KCNC2: variants seen among roughly 807,000 people sequenced by gnomAD.
The protein encoded by KCNC2 is potassium voltage-gated channel subfamily C member 2, also known as voltage-gated potassium channel KCNC2.
Under a neutral mutation model 44.5 loss-of-function variants are expected in KCNC2, and 21 were observed. The ratio of observed to expected loss-of-function variants is 0.47; its 90% CI spans 0.33 to 0.68. The LOEUF (loss-of-function observed/expected upper bound fraction) is 0.68, where lower values mean the gene tolerates loss of function less well. Among genes scored for constraint, KCNC2 ranks in the 30% least tolerant of loss-of-function variants. KCNC2 has a pLI of 0.01. For missense variants in KCNC2, 589 were observed against 826.2 expected (o/e 0.71, Z 3.52); for synonymous variants, 391 against 339.1 (o/e 1.15, Z -1.68).
chr12:75,076,038 TACACACACACACACAC>T (rs71078709), intron 2 of KCNC2, among the ~76,000 whole-genome samples: 21 of 141,344 alleles, frequency 1.5e-4, no homozygotes, highest in Admixed American at 1.2e-3. Flanking sequence ...TAATGTTACA[TACACACACACACACAC>T]ACACACACAC....
intron 2 of KCNC2, among the ~76,000 whole-genome samples, chr12:75,126,584 G>C (rs981206583): frequency 2.0e-5 from 3 of 152,096 alleles, no homozygotes; most frequent in African/African-American, 7.2e-5. Flanking sequence ...GAATGTTCCA[G>C]GCACTTAGGA....
chr12:75,194,051 G>A (rs1171882535), intron 2 of KCNC2, among the ~76,000 whole-genome samples: 1 of 152,042 alleles, frequency 6.6e-6, no homozygotes, highest in Non-Finnish European at 1.5e-5. Context: ...AAAAAAAAGA[G>A]TAACCAGAAA....
chr12:75,186,577 T>A (rs1288725194), intron 2 of KCNC2, among the ~76,000 whole-genome samples: 1 of 152,224 alleles, frequency 6.6e-6, no homozygotes, highest in Admixed American at 6.5e-5. Context: ...AGGGACACTT[T>A]TATGCAACAA....
intron 2 of KCNC2, among the ~76,000 whole-genome samples, chr12:75,063,797 CT>C (rs1178698158): frequency 1.3e-5 from 2 of 151,970 alleles, no homozygotes; most frequent in Non-Finnish European, 2.9e-5. Context: ...AGGACAAATC[CT>C]TTTATAATTT....
intron 2 of KCNC2, among the ~76,000 whole-genome samples, chr12:75,059,390 G>A (rs1882080242): frequency 6.6e-6 from 1 of 151,972 alleles, no homozygotes. Context: ...TGTCTCACTT[G>A]TTTACAGTGG....
intron 2 of KCNC2, among the ~76,000 whole-genome samples, chr12:75,099,183 A>G (rs1886174714): frequency 6.6e-6 from 1 of 152,238 alleles, no homozygotes; most frequent in Non-Finnish European, 1.5e-5. Context: ...AATTATGAGT[A>G]GCGTCTAAAG....
At chr12:75,147,720 G>A (rs1890122673) in intron 2 of KCNC2, among the ~76,000 whole-genome samples, 1 of 152,060 alleles carries the variant, frequency 6.6e-6, no homozygotes, top group African/African-American at 2.4e-5. Flanking sequence ...TAGTATTTAT[G>A]GAAAAAGACA....
At chr12:75,140,850 TCCAGAACACCATTTAGTATCATG>T (rs1889599795) in intron 2 of KCNC2, among the ~76,000 whole-genome samples, 1 of 151,226 alleles carries the variant, frequency 6.6e-6, no homozygotes, top group South Asian at 2.1e-4. Context: ...TTCTATTTCC[TCCAGAACACCATTTAGTATCATG>T]CCAAGAAAAA....
Position 75,184,226 on chromosome 12 carries a change from C to T in KCNC2, c.687+23071G>A, listed in dbSNP as rs1195030984. 3.3e-5 allele frequency among the ~76,000 whole-genome samples: 5 copies of T among 150,426 alleles called. No homozygotes were observed. The East Asian group carries it at 1.0e-3, about 30-fold the overall frequency. Reference sequence around the variant, plus strand: ...TGTAGTCTCTGTGTGGCGTCATTAACTAACACAGAGTCTTCCGTTTTGTAG... The same window carrying T: ...TGTAGTCTCTGTGTGGCGTCATTAATTAACACAGAGTCTTCCGTTTTGTAG... On this transcript the variant is annotated intron_variant, in intron 2 of 4. Coordinates refer to ENST00000549446, the MANE Select transcript of KCNC2 (RefSeq NM_139137.4).
intron 2 of KCNC2, among the ~76,000 whole-genome samples, chr12:75,079,132 C>A (rs1310538616): frequency 6.6e-6 from 1 of 152,040 alleles, no homozygotes; most frequent in African/African-American, 2.4e-5. Flanking sequence ...ATGGGGTATG[C>A]ATCTTAGAAG....
At chr12:75,136,997 C>T (rs1353399083) in intron 2 of KCNC2, among the ~76,000 whole-genome samples, 1 of 152,116 alleles carries the variant, frequency 6.6e-6, no homozygotes, top group Non-Finnish European at 1.5e-5. Context: ...TTATAACCTG[C>T]TCTATTTTCC....
intron 2 of KCNC2, among the ~76,000 whole-genome samples, chr12:75,172,786 G>A (rs940752143): frequency 1.5e-4 from 23 of 151,928 alleles, no homozygotes; most frequent in East Asian, 9.7e-4. Flanking sequence ...GGCTGCAACC[G>A]CAAGGCTACT....
chr12:75,115,264 C>T (rs1004374399), intron 2 of KCNC2, among the ~76,000 whole-genome samples: 9 of 152,152 alleles, frequency 5.9e-5, no homozygotes. Flanking sequence ...ACTTATGAAA[C>T]TTCTAATCTG....
intron 2 of KCNC2, among the ~76,000 whole-genome samples, chr12:75,105,190 G>T (rs1193088055): frequency 6.6e-6 from 1 of 152,060 alleles, no homozygotes; most frequent in Non-Finnish European, 1.5e-5. Context: ...ATTGCAGAGT[G>T]ACATATAAGG....
At position 75,043,208 on chromosome 12, in the gene KCNC2, G is replaced by T. The variant is rs749901519; in HGVS notation, c.1814C>A (p.Ala605Glu). 4.3e-6 allele frequency: 7 copies of T among 1,612,246 alleles called. No homozygotes were observed. Among genetic ancestry groups the T allele is most frequent in the Non-Finnish European group, 5.9e-6 (7 of 1,178,888 alleles). Residue 605 changes from alanine (A) to glutamate (E), a missense_variant, in exon 5 of 5, where the codon GCG becomes GAG. Transcript: ENST00000549446. ...CCTCAGAGCATTGCCTGCCAAGCCC[G>T]CTATGTTGTTTAAGCTTCGGGATTT... ...YEKSRSLNNI[A>E]GLAGNALRLS...
intron 2 of KCNC2, among the ~76,000 whole-genome samples, chr12:75,071,169 A>G (rs112090075): frequency 0.012 from 1,862 of 152,264 alleles, 27 homozygotes; most frequent in African/African-American, 0.042. Flanking sequence ...AACTCTTTAT[A>G]TAGTTACTCT....
chr12:75,164,591 T>A (rs894305025), intron 2 of KCNC2, among the ~76,000 whole-genome samples: 27 of 151,720 alleles, frequency 1.8e-4, no homozygotes, highest in African/African-American at 6.3e-4. Context: ...TGGACTAAAC[T>A]GCTGCCAGGT....
intron 2 of KCNC2, among the ~76,000 whole-genome samples, chr12:75,114,439 C>G (rs974878728): frequency 6.6e-6 from 1 of 152,174 alleles, no homozygotes; most frequent in Non-Finnish European, 1.5e-5. Flanking sequence ...ATACCAAGCA[C>G]TATGCTAGTA....
chr12:75,187,964 T>C (rs964253472), intron 2 of KCNC2, among the ~76,000 whole-genome samples: 3 of 152,224 alleles, frequency 2.0e-5, no homozygotes, highest in African/African-American at 7.2e-5. Context: ...CATTAAAATA[T>C]ACTAGGAACA....
Sources: gnomAD v4.1 joint callset for allele counts (sites outside exome capture counted in the v4.1 genomes callset) on GRCh38, gnomAD v4.1.1 for gene constraint, MANE v1.5 for transcripts, NCBI Gene and HGNC (gene_info 2026-07-23, HGNC 2026-07-21) for gene names.